The following SMLR1 variants were observed in gnomAD, a reference collection of about 807,000 sequenced individuals.
SMLR1 encodes small leucine rich protein 1.
Under a neutral mutation model 6.1 loss-of-function variants are expected in SMLR1, and 3 were observed. That is an observed-to-expected ratio of 0.49 (90% confidence interval 0.22 to 1.28). The LOEUF (loss-of-function observed/expected upper bound fraction) is 1.28. SMLR1 is among the 50% of genes most tolerant of loss of function. SMLR1 has a pLI of 0.19. For synonymous variants in SMLR1, 55 were observed against 53.6 expected (o/e 1.03, Z -0.11); for missense variants, 126 against 124.8 (o/e 1.01, Z -0.05).
chr6:130,834,503 A>G (rs774194800), intron 1 of SMLR1, among the ~76,000 whole-genome samples: 14 of 152,212 alleles, frequency 9.2e-5, no homozygotes, highest in Non-Finnish European at 1.5e-4. Flanking sequence ...TGACTTGTCT[A>G]AAGACTGTAA....
At position 130,835,167 on chromosome 6, in the gene SMLR1, G is replaced by A; in HGVS notation, c.*212G>A. 1.8e-6 allele frequency: 1 copy of A among 541,644 alleles called. No individual in the cohort carries two copies. The highest frequency in any genetic ancestry group is 3.3e-6 in the Non-Finnish European group (1 of 302,242). 33.6% of individuals were successfully genotyped at this position (541,644 alleles called of 1,614,324 possible). On this transcript the variant is annotated 3_prime_UTR_variant, in exon 2 of 2. Coordinates refer to ENST00000541421, the MANE Select transcript of SMLR1 (RefSeq NM_001195597.2). Reference sequence around the variant, plus strand: ...TCAGTATAACAGCAGCTCTTGAAAAGTACCAAGAATGGATTTCCTGGGTAT... The same window carrying A: ...TCAGTATAACAGCAGCTCTTGAAAAATACCAAGAATGGATTTCCTGGGTAT...
intron 1 of SMLR1, among the ~76,000 whole-genome samples, chr6:130,832,855 C>A (rs1395025182): frequency 6.6e-6 from 1 of 152,092 alleles, no homozygotes; most frequent in Non-Finnish European, 1.5e-5. Flanking sequence ...ATAAACTTAC[C>A]ACCAATTGTG....
At chr6:130,830,281 G>C (rs982822093) in intron 1 of SMLR1, among the ~76,000 whole-genome samples, 2 of 152,088 alleles carry the variant, frequency 1.3e-5, no homozygotes, top group African/African-American at 4.8e-5. Flanking sequence ...CCCCCAGCCA[G>C]GTTATGAGCC....
At chr6:130,833,524 A>T (rs78709287) in intron 1 of SMLR1, among the ~76,000 whole-genome samples, 4,156 of 152,226 alleles carry the variant, frequency 0.027, 197 homozygotes, top group African/African-American at 0.095. Context: ...AGTCAGTGTG[A>T]CTCAGTAGCT....
chr6:130,830,180 A>T (rs1774396808), intron 1 of SMLR1, among the ~76,000 whole-genome samples: 1 of 152,096 alleles, frequency 6.6e-6, no homozygotes, highest in Non-Finnish European at 1.5e-5. Flanking sequence ...TAAATGTCTG[A>T]TCAAAGAGCT....
chr6:130,829,912 T>C (rs942794024), intron 1 of SMLR1, among the ~76,000 whole-genome samples: 3 of 152,178 alleles, frequency 2.0e-5, no homozygotes, highest in African/African-American at 7.2e-5. Flanking sequence ...GGTAGAGTCA[T>C]TACACCAACT....
In SMLR1 at chr6:130,835,249, C is replaced by T. The variant is rs112633692; in HGVS notation, c.*294C>T. The T allele has an allele frequency of 5.4e-4, 142 of 263,180 alleles. 1 individual carries two copies. Among genetic ancestry groups the T allele is most frequent in the Admixed American group, 1.9e-3 (40 of 21,412 alleles). The allele number at this position is 263,180 out of a possible 1,614,324, so 16.3% of individuals were successfully genotyped here. A position where few individuals can be genotyped will look rare whatever the true frequency, so the allele number is the denominator to read the frequency against. ...TTATTGTGACTGTGTCTGCTCTAAA[C>T]GGCATATTTAAAAAATAAAATTCTG... On this transcript the variant is annotated 3_prime_UTR_variant, in exon 2 of 2. Coordinates refer to ENST00000541421, the MANE Select transcript of SMLR1 (RefSeq NM_001195597.2).
At chr6:130,831,587 C>T (rs753478117) in intron 1 of SMLR1, among the ~76,000 whole-genome samples, 3 of 152,120 alleles carry the variant, frequency 2.0e-5, no homozygotes, top group Non-Finnish European at 4.4e-5. Context: ...TCACTGGACT[C>T]GAAATAAAAT....
chr6:130,830,489 G>A (rs1247536121), intron 1 of SMLR1, among the ~76,000 whole-genome samples: 2 of 152,072 alleles, frequency 1.3e-5, no homozygotes, highest in Non-Finnish European at 2.9e-5. Context: ...ATTTATTGTT[G>A]GAAAGAATAC....
rs1774649472 is a variant in SMLR1 at position 130,836,093 on chromosome 6, T to A, written c.*1138T>A. On this transcript the variant is annotated 3_prime_UTR_variant, in exon 2 of 2. Transcript: ENST00000541421. ...TCAGTGCTGGATTTTTACTGCTTCT[T>A]CCCCTCAGCCCCACCCTAAAATTCT... is the stretch of plus-strand genomic sequence containing the variant. 6.6e-6 allele frequency: 1 copy of A among 152,202 alleles called. No homozygotes were observed. Among genetic ancestry groups the A allele is most frequent in the Admixed American group, 6.5e-5 (1 of 15,270 alleles). 9.4% of individuals were successfully genotyped at this position (152,202 alleles called of 1,614,324 possible). A position where few individuals can be genotyped will look rare whatever the true frequency, so the allele number is the denominator to read the frequency against.
intron 1 of SMLR1, among the ~76,000 whole-genome samples, chr6:130,833,045 A>G (rs1774515017): frequency 1.3e-5 from 2 of 152,128 alleles, no homozygotes; most frequent in African/African-American, 4.8e-5. Flanking sequence ...TGCTTGCAGG[A>G]TTTTCCACAA....
Position 130,835,588 on chromosome 6 carries a change from C to T in SMLR1, c.*633C>T, listed in dbSNP as rs1242938445. The T allele has an allele frequency of 6.6e-6, 1 of 152,210 alleles. No homozygotes were observed. Among genetic ancestry groups the T allele is most frequent in the East Asian group, 1.9e-4 (1 of 5,192 alleles). The allele number at this position is 152,210 out of a possible 1,614,324, so 9.4% of individuals were successfully genotyped here. ...AGGTATGGATCACCCACAAATGTAG[C>T]TTTCAGCATGATGCGACCTGGAAAT... On this transcript the variant is annotated 3_prime_UTR_variant, in exon 2 of 2. Coordinates refer to ENST00000541421, the MANE Select transcript of SMLR1 (RefSeq NM_001195597.2).
At chr6:130,834,167 C>A (rs1774563419) in intron 1 of SMLR1, among the ~76,000 whole-genome samples, 1 of 152,032 alleles carries the variant, frequency 6.6e-6, no homozygotes, top group Non-Finnish European at 1.5e-5. Context: ...GGCTAAAAAT[C>A]AAATCTAGTT....
intron 1 of SMLR1, among the ~76,000 whole-genome samples, chr6:130,833,870 G>A (rs1391666137): frequency 2.0e-5 from 3 of 152,118 alleles, no homozygotes; most frequent in African/African-American, 7.2e-5. Context: ...AAGTGCATGT[G>A]TCCTGGGGTA....
intron 1 of SMLR1, among the ~76,000 whole-genome samples, chr6:130,828,778 T>G (rs1044328041): frequency 2.0e-5 from 3 of 152,246 alleles, no homozygotes; most frequent in African/African-American, 7.2e-5. Context: ...AGCCATATTC[T>G]GCCTCACTCT....
At chr6:130,827,808 T>A (rs1025237768) in intron 1 of SMLR1, among the ~76,000 whole-genome samples, 157 bp downstream of exon 1, 1 of 152,202 alleles carries the variant, frequency 6.6e-6, no homozygotes, top group African/African-American at 2.4e-5. Flanking sequence ...AGTTCCTTGA[T>A]CAATTTGGCC....
chr6:130,833,183 A>T (rs1278825999), intron 1 of SMLR1, among the ~76,000 whole-genome samples: 3 of 152,162 alleles, frequency 2.0e-5, no homozygotes, highest in African/African-American at 7.2e-5. Context: ...GCATTATTTT[A>T]CTTCTCTCAC....
chr6:130,827,527 G>T lies in SMLR1; in HGVS notation c.114G>T (p.Met38Ile). The change falls in exon 1 of 2, where the codon ATG becomes ATT. Residue 38 changes from methionine (M) to isoleucine (I), a missense_variant. Physicochemically the swap from Met to Ile is conservative, Grantham distance 10 (BLOSUM62 1). Transcript: ENST00000541421. Reference sequence around the variant, plus strand: ...CCGTGGGGTCTGTGTGGTTGGCAATGAGCTCTGTGCTGTCAGCTTTCATGA... The same window carrying T: ...CCGTGGGGTCTGTGTGGTTGGCAATTAGCTCTGTGCTGTCAGCTTTCATGA... ...MVPVGSVWLA[M>I]SSVLSAFMRE... is the part of the protein sequence containing the mutation. The T allele has an allele frequency of 6.5e-7, 1 of 1,536,020 alleles. No individual in the cohort carries two copies. The highest frequency in any genetic ancestry group is 8.7e-7 in the Non-Finnish European group (1 of 1,146,852).
chr6:130,830,758 A>G (rs1344439215), intron 1 of SMLR1, among the ~76,000 whole-genome samples: 1 of 152,058 alleles, frequency 6.6e-6, no homozygotes, highest in East Asian at 1.9e-4. Flanking sequence ...ACCCACCAAA[A>G]CCAAGATGGT....
Sources: gnomAD v4.1 joint callset for allele counts (sites outside exome capture counted in the v4.1 genomes callset) on GRCh38, gnomAD v4.1.1 for gene constraint, MANE v1.5 for transcripts, NCBI Gene and HGNC (gene_info 2026-07-23, HGNC 2026-07-21) for gene names.